NEK7: variants seen among roughly 807,000 people sequenced by gnomAD.
NEK7 encodes the protein NIMA related kinase 7.
A neutral mutation model predicts 44.6 loss-of-function variants in NEK7; 18 were observed. The ratio of observed to expected loss-of-function variants is 0.40; its 90% CI spans 0.28 to 0.60. The LOEUF (loss-of-function observed/expected upper bound fraction) is 0.60. Among genes scored for constraint, NEK7 ranks in the 20% least tolerant of loss-of-function variants. The pLI is 0.38. For missense variants in NEK7, 256 were observed against 366.5 expected, an observed-to-expected ratio of 0.70 and a Z score of 2.46; for synonymous variants, 130 against 121.1, an observed-to-expected ratio of 1.07 and a Z score of -0.48.
At chr1:198,274,203 A>G (rs1277109381) in intron 5 of NEK7, among the ~76,000 whole-genome samples, 2 of 133,666 alleles carry the variant, frequency 1.5e-5, no homozygotes. Flanking sequence ...TTTAATTAAC[A>G]TTTTTCCTAA....
At chr1:198,191,642 G>A (rs1047082778) in intron 1 of NEK7, among the ~76,000 whole-genome samples, 4 of 151,754 alleles carry the variant, frequency 2.6e-5, no homozygotes, top group African/African-American at 9.7e-5. Context: ...AATTAAATTT[G>A]TTAGTCGTTT....
intron 1 of NEK7, among the ~76,000 whole-genome samples, chr1:198,162,012 C>G (rs1174641655): frequency 6.6e-6 from 1 of 152,054 alleles, no homozygotes; most frequent in South Asian, 2.1e-4. Flanking sequence ...AAAGACTCTC[C>G]CCCGCCCCAG....
At chr1:198,219,336 G>GTA (rs202015033) in intron 1 of NEK7, among the ~76,000 whole-genome samples, 2,350 of 150,666 alleles carry the variant, frequency 0.016, 32 homozygotes, top group Non-Finnish European at 0.024. Context: ...GTTTGTGTGT[G>GTA]TATATATATA....
chr1:198,265,921 T>A (rs1349584479), intron 5 of NEK7, among the ~76,000 whole-genome samples: 1 of 152,126 alleles, frequency 6.6e-6, no homozygotes, highest in East Asian at 1.9e-4. Flanking sequence ...TTATGTTACT[T>A]AACCATCATA....
At chr1:198,296,148 A>G (rs1052845748) in intron 8 of NEK7, among the ~76,000 whole-genome samples, 1 of 152,136 alleles carries the variant, frequency 6.6e-6, no homozygotes, top group African/African-American at 2.4e-5. Context: ...GTAGCACAGC[A>G]TGGACTAGCG....
chr1:198,295,766 G>GT (rs1558099503), intron 8 of NEK7, among the ~76,000 whole-genome samples: 1 of 150,840 alleles, frequency 6.6e-6, no homozygotes, highest in African/African-American at 2.4e-5. Context: ...TATTTTTAAG[G>GT]TAAGATCTTA....
intron 9 of NEK7, among the ~76,000 whole-genome samples, chr1:198,302,507 G>T (rs937722142): frequency 3.3e-5 from 5 of 151,876 alleles, no homozygotes; most frequent in Admixed American, 2.6e-4. Flanking sequence ...TTCCTATATT[G>T]TTGAAACAAG....
chr1:198,315,257 G>A (rs1191992302), intron 9 of NEK7, among the ~76,000 whole-genome samples: 1 of 152,160 alleles, frequency 6.6e-6, no homozygotes, highest in African/African-American at 2.4e-5. Flanking sequence ...GACCCCTTGC[G>A]CTTCCCGAGT....
intron 8 of NEK7, among the ~76,000 whole-genome samples, chr1:198,296,601 T>A (rs747972432): frequency 2.0e-4 from 30 of 152,324 alleles, no homozygotes; most frequent in Non-Finnish European, 4.0e-4. Context: ...TATTTGGGGA[T>A]CAGTTATTGC....
intron 1 of NEK7, among the ~76,000 whole-genome samples, chr1:198,166,281 A>G (rs1381004977): frequency 2.0e-5 from 3 of 152,260 alleles, no homozygotes; most frequent in African/African-American, 7.2e-5. Flanking sequence ...CAAAATAAAC[A>G]AAATAGTGTA....
At chr1:198,318,715 G>C (rs933408712) in intron 9 of NEK7, among the ~76,000 whole-genome samples, 1 of 152,024 alleles carries the variant, frequency 6.6e-6, no homozygotes, top group Admixed American at 6.5e-5. Flanking sequence ...CTACCCGATG[G>C]ATCGAGGACC....
chr1:198,284,461 C>T (rs551299968), intron 7 of NEK7, among the ~76,000 whole-genome samples: 55 of 152,198 alleles, frequency 3.6e-4, no homozygotes, highest in African/African-American at 1.2e-3. Context: ...GGAAATAGGC[C>T]GCTAGGATAT....
intron 9 of NEK7, among the ~76,000 whole-genome samples, chr1:198,314,206 T>C (rs2103041356): frequency 6.6e-6 from 1 of 152,338 alleles, no homozygotes; most frequent in East Asian, 1.9e-4. Context: ...CTGATACCCT[T>C]TCTTCCAGTT....
At chr1:198,265,157 C>T (rs918405119) in intron 5 of NEK7, among the ~76,000 whole-genome samples, 2 of 152,050 alleles carry the variant, frequency 1.3e-5, no homozygotes, top group Non-Finnish European at 2.9e-5. Context: ...TCTTAAAGCA[C>T]ATTCCTGAGT....
intron 2 of NEK7, among the ~76,000 whole-genome samples, chr1:198,233,380 T>C (rs908046399): frequency 3.9e-5 from 6 of 152,208 alleles, no homozygotes; most frequent in African/African-American, 1.4e-4. Flanking sequence ...TAACGTGTAA[T>C]GACATGTTTA....
chr1:198,189,375 G>A (rs558835716), intron 1 of NEK7, among the ~76,000 whole-genome samples: 1 of 152,038 alleles, frequency 6.6e-6, no homozygotes, highest in Admixed American at 6.6e-5. Context: ...TGCATCTTTC[G>A]AGTTAAAAGA....
At chr1:198,316,046 G>T (rs1295596011) in intron 9 of NEK7, among the ~76,000 whole-genome samples, 1 of 152,190 alleles carries the variant, frequency 6.6e-6, no homozygotes, top group African/African-American at 2.4e-5. Flanking sequence ...ACATTTGGTA[G>T]ATTTTTCAAA....
chr1:198,246,524 A>G (rs1299305654), intron 2 of NEK7, among the ~76,000 whole-genome samples: 2 of 152,226 alleles, frequency 1.3e-5, no homozygotes, highest in African/African-American at 4.8e-5. Context: ...GCCAAAAAAC[A>G]CCGCCCTCTG....
chr1:198,236,035 G>T (rs917420247), intron 2 of NEK7, among the ~76,000 whole-genome samples: 1 of 152,064 alleles, frequency 6.6e-6, no homozygotes, highest in Non-Finnish European at 1.5e-5. Flanking sequence ...CATCTCTGTG[G>T]AGTGACTGTG....
Sources: allele counts gnomAD v4.1 joint callset (sites outside exome capture counted in the v4.1 genomes callset), GRCh38; gene constraint gnomAD v4.1.1; transcripts MANE v1.5; gene names NCBI Gene and HGNC (gene_info 2026-07-23, HGNC 2026-07-21).